FHOD3: variants seen among roughly 807,000 people sequenced by gnomAD.
The protein encoded by FHOD3 is FH1/FH2 domain-containing protein 3.
FHOD3 carries 90 observed loss-of-function variants against 173.0 expected under a neutral mutation model. The observed-to-expected ratio is 0.52, with a 90% CI of 0.44 to 0.62. The LOEUF (loss-of-function observed/expected upper bound fraction) is 0.62. Among genes scored for constraint, FHOD3 ranks in the 20% least tolerant of loss-of-function variants. The probability of loss-of-function intolerance (pLI) is 0.00; values close to 1 mark genes in which losing one functional copy is unlikely to be tolerated. For missense variants in FHOD3, 1,945 were observed against 2,034.7 expected (o/e 0.96, Z 0.85); for synonymous variants, 828 against 823.0 (o/e 1.01, Z -0.10).
chr18:36,653,590 A>G (rs1158079798), intron 13 of FHOD3, among the ~76,000 whole-genome samples, 174 bp downstream of exon 13: 1 of 152,226 alleles, frequency 6.6e-6, no homozygotes, highest in African/African-American at 2.4e-5. Context: ...TAAATCTTAT[A>G]AAAAATGGAG....
At chr18:36,748,993 A>C (rs1169593673) in intron 24 of FHOD3, among the ~76,000 whole-genome samples, 2 of 139,454 alleles carry the variant, frequency 1.4e-5, no homozygotes, top group South Asian at 2.1e-4. Flanking sequence ...CACAGAAAGG[A>C]CCCTATTCAG....
At chr18:36,588,603 T>G (rs980106656) in intron 6 of FHOD3, among the ~76,000 whole-genome samples, 1 of 152,226 alleles carries the variant, frequency 6.6e-6, no homozygotes, top group East Asian at 1.9e-4. Context: ...GAAGAGAAAT[T>G]AGGAATTTGA....
At chr18:36,342,206 G>GA (rs2045658465) in intron 1 of FHOD3, among the ~76,000 whole-genome samples, 2 of 152,110 alleles carry the variant, frequency 1.3e-5, no homozygotes, top group Admixed American at 1.3e-4. Flanking sequence ...GGAAAATGCA[G>GA]AAAGGAGCAT....
chr18:36,625,389 G>A (rs530900937), intron 9 of FHOD3, 122 bp from the exon 10 acceptor site: 163 of 834,012 alleles, frequency 2.0e-4, no homozygotes, highest in African/African-American at 3.0e-4. Context: ...AAGCTGAGGC[G>A]TGCAGTTTGC....
In FHOD3 at chr18:36,624,378, G is replaced by T. The variant is rs1041090586; in HGVS notation, c.958-1133G>T. On this transcript the variant is annotated intron_variant, in intron 9 of 28. Coordinates refer to ENST00000590592, the MANE Select transcript of FHOD3 (RefSeq NM_001281740.3). The stretch of plus-strand genomic sequence containing the variant: ...GGTTCATTAGTGGCACAGCCAGCAT[G>T]CACACCAAGGTCTAGTTGACACCAA... 3.3e-5 allele frequency among the ~76,000 whole-genome samples: 5 copies of T among 152,194 alleles called. No individual in the cohort carries two copies. The East Asian group carries it at 9.6e-4, about 29-fold the overall frequency.
intron 10 of FHOD3, among the ~76,000 whole-genome samples, chr18:36,630,267 C>T (rs1301910033): frequency 3.9e-5 from 6 of 152,186 alleles, no homozygotes; most frequent in Non-Finnish European, 7.3e-5. Context: ...AATCCATTGG[C>T]ATTTTACAAA....
rs1342221057 is a variant in FHOD3 at position 36,297,816 on chromosome 18, C to G, written c.-20C>G. 3 of 1,496,884 alleles carry G rather than the reference C, an allele frequency of 2.0e-6. No individual in the cohort carries two copies. Among genetic ancestry groups the G allele is most frequent in the Non-Finnish European group, 2.7e-6 (3 of 1,121,800 alleles). 92.7% of individuals were successfully genotyped at this position (1,496,884 alleles called of 1,614,324 possible). A position where few individuals can be genotyped will look rare whatever the true frequency, so the allele number is the denominator to read the frequency against. ...GCCCCGCTAACCCCGGGGCCCGCGC[C>G]CCCGCGGCAGGGATGCATCATGGCC... On this transcript the variant is annotated 5_prime_UTR_variant, in exon 1 of 29. Transcript: ENST00000590592.
At chr18:36,444,429 T>C (rs1187678747) in intron 3 of FHOD3, among the ~76,000 whole-genome samples, 1 of 152,154 alleles carries the variant, frequency 6.6e-6, no homozygotes, top group Non-Finnish European at 1.5e-5. Context: ...TTTTTGAATA[T>C]GTGAGAAGCA....
intron 14 of FHOD3, among the ~76,000 whole-genome samples, chr18:36,675,413 C>T (rs2037790993): frequency 6.6e-6 from 1 of 152,044 alleles, no homozygotes; most frequent in Non-Finnish European, 1.5e-5. Flanking sequence ...TGGTCTCATA[C>T]AGGGCCACCA....
intron 3 of FHOD3, among the ~76,000 whole-genome samples, chr18:36,380,756 G>A (rs1374275550): frequency 6.6e-6 from 1 of 151,706 alleles, no homozygotes; most frequent in East Asian, 1.9e-4. Flanking sequence ...AAGGTTATTA[G>A]TTTGAGATAA....
chr18:36,393,602 A>G (rs1266786894), intron 3 of FHOD3, among the ~76,000 whole-genome samples: 9 of 152,114 alleles, frequency 5.9e-5, no homozygotes, highest in African/African-American at 2.2e-4. Flanking sequence ...ATCCCCACCA[A>G]TTCAGGGTAT....
intron 3 of FHOD3, among the ~76,000 whole-genome samples, chr18:36,384,791 C>T (rs539978145): frequency 6.6e-6 from 1 of 152,222 alleles, no homozygotes; most frequent in South Asian, 2.1e-4. Context: ...TTATTTATAA[C>T]AGTGAGAACG....
At chr18:36,480,898 C>A (rs2053846873) in intron 3 of FHOD3, among the ~76,000 whole-genome samples, 2 of 148,378 alleles carry the variant, frequency 1.3e-5, no homozygotes, top group African/African-American at 5.3e-5. Flanking sequence ...TTTTCCCTTG[C>A]CTTGAGCACT....
chr18:36,737,757 G>A (rs1411868255), intron 20 of FHOD3, among the ~76,000 whole-genome samples: 3 of 152,210 alleles, frequency 2.0e-5, no homozygotes, highest in Admixed American at 6.5e-5. Context: ...AGCCAGATAC[G>A]TCCTGATGCA....
At chr18:36,326,043 G>A (rs754331003) in intron 1 of FHOD3, among the ~76,000 whole-genome samples, 2 of 152,216 alleles carry the variant, frequency 1.3e-5, no homozygotes, top group Non-Finnish European at 2.9e-5. Context: ...CTCTGCAGTG[G>A]TATTGGCTGG....
At chr18:36,747,267 G>A (rs1278736236) in intron 24 of FHOD3, 132 bp downstream of exon 24, 2 of 553,908 alleles carry the variant, frequency 3.6e-6, no homozygotes, top group Non-Finnish European at 6.0e-6. Flanking sequence ...GTACACTGAT[G>A]ATACAGATGT....
chr18:36,384,956 C>G (rs531885237), intron 3 of FHOD3, among the ~76,000 whole-genome samples: 61 of 152,226 alleles, frequency 4.0e-4, no homozygotes, highest in African/African-American at 1.5e-3. Flanking sequence ...CCTTACAAAC[C>G]ATTAGAACAC....
intron 19 of FHOD3, among the ~76,000 whole-genome samples, chr18:36,720,272 C>G (rs896774786): frequency 2.8e-5 from 4 of 142,654 alleles, no homozygotes; most frequent in African/African-American, 8.1e-5. Flanking sequence ...GAGTCTTGCT[C>G]TGTCGCCCAG....
At chr18:36,642,805 A>G (rs2035423003) in intron 10 of FHOD3, among the ~76,000 whole-genome samples, 1 of 151,970 alleles carries the variant, frequency 6.6e-6, no homozygotes, top group South Asian at 2.1e-4. Flanking sequence ...TGTGCTTCCC[A>G]ATCTCCCATC....
Sources: allele counts gnomAD v4.1 joint callset (sites outside exome capture counted in the v4.1 genomes callset), GRCh38; gene constraint gnomAD v4.1.1; transcripts MANE v1.5; gene names NCBI Gene and HGNC (gene_info 2026-07-23, HGNC 2026-07-21).